SULT1B1: variants seen among roughly 807,000 people sequenced by gnomAD.
The protein encoded by SULT1B1 is sulfotransferase 1B1.
Under a neutral mutation model 34.6 loss-of-function variants are expected in SULT1B1, and 28 were observed. The observed-to-expected ratio is 0.81, with a 90% CI of 0.60 to 1.11. SULT1B1 has a LOEUF of 1.11. SULT1B1 is among the 50% of genes least tolerant of loss of function. The pLI is 0.00. For synonymous variants in SULT1B1, 147 were observed against 110.2 expected (o/e 1.33, Z -2.09); for missense variants, 374 against 352.2 (o/e 1.06, Z -0.50).
In SULT1B1 at chr4:69,739,520, C is replaced by T. The variant is rs563067493; in HGVS notation, c.376-5256G>A. Among the ~76,000 whole-genome samples the T allele has an allele frequency of 8.9e-4, 135 of 152,318 alleles. 1 individual carries two copies. Among genetic ancestry groups the T allele is most frequent in the African/African-American group, 3.1e-3 (127 of 41,570 alleles). On this transcript the variant is annotated intron_variant, in intron 4 of 7. Coordinates refer to ENST00000310613, the MANE Select transcript of SULT1B1 (RefSeq NM_014465.4). ...AGGTCTGGGACACAGGTCACCAAGTCCCTAGACTGCACATAGCAGGAGGGC... is the reference window on the plus strand; with the variant it reads ...AGGTCTGGGACACAGGTCACCAAGTTCCTAGACTGCACATAGCAGGAGGGC...
At chr4:69,733,884 GA>G (rs1718187011) in intron 5 of SULT1B1, among the ~76,000 whole-genome samples, 1 of 152,236 alleles carries the variant, frequency 6.6e-6, no homozygotes, top group South Asian at 2.1e-4. Flanking sequence ...ATTGTGAGGA[GA>G]GACTGATAAT....
intron 4 of SULT1B1, among the ~76,000 whole-genome samples, chr4:69,736,993 T>C (rs1042931501): frequency 2.0e-5 from 3 of 150,998 alleles, no homozygotes; most frequent in Non-Finnish European, 4.4e-5. Flanking sequence ...TAAATCAATA[T>C]ATCTAAGAAG....
intron 4 of SULT1B1, among the ~76,000 whole-genome samples, chr4:69,747,608 A>G (rs1256416633): frequency 6.6e-6 from 1 of 152,190 alleles, no homozygotes; most frequent in Non-Finnish European, 1.5e-5. Context: ...ATGGGCATCT[A>G]TGGCCATGTT....
chr4:69,734,822 G>A (rs569260357), intron 4 of SULT1B1, among the ~76,000 whole-genome samples: 3 of 140,818 alleles, frequency 2.1e-5, no homozygotes, highest in South Asian at 4.7e-4. Flanking sequence ...TTTCTACTTC[G>A]CTACTCTTTT....
At chr4:69,727,326 A>C in intron 7 of SULT1B1, 126 bp from the exon 8 acceptor site, 1 of 590,552 alleles carries the variant, frequency 1.7e-6, no homozygotes, top group Non-Finnish European at 2.7e-6. Context: ...GAATTCAAAC[A>C]GTCTTTAAAT....
chr4:69,739,787 C>T (rs1171082325), intron 4 of SULT1B1, among the ~76,000 whole-genome samples: 1 of 152,188 alleles, frequency 6.6e-6, no homozygotes, highest in African/African-American at 2.4e-5. Flanking sequence ...CTTTTATGCT[C>T]TGCTTTCTGT....
At chr4:69,758,233 A>C in intron 1 of SULT1B1, 1 of 870,272 alleles carries the variant, frequency 1.1e-6, no homozygotes. Flanking sequence ...TAAGCAGTGT[A>C]CTTGGGATGA....
Position 69,722,099 on chromosome 4 carries a change from G to A in SULT1B1, c.*4989C>T, listed in dbSNP as rs1269584103. ...TTAGGATAGTGACATTTGCATCATAGAATAAATATATAAGAGGCAACAACC... is the reference window on the plus strand; with the variant it reads ...TTAGGATAGTGACATTTGCATCATAAAATAAATATATAAGAGGCAACAACC... On this transcript the variant is annotated 3_prime_UTR_variant, in exon 8 of 8. Transcript: ENST00000310613. The A allele has an allele frequency of 6.6e-6, 1 of 151,994 alleles. No individual in the cohort carries two copies. Among genetic ancestry groups the A allele is most frequent in the Non-Finnish European group, 1.5e-5 (1 of 67,956 alleles). The allele number at this position is 151,994 out of a possible 1,614,324, so 9.4% of individuals were successfully genotyped here.
Position 69,723,396 on chromosome 4 carries a change from C to G in SULT1B1, c.*3692G>C, listed in dbSNP as rs1174361909. The G allele has an allele frequency of 5.3e-5, 8 of 152,014 alleles. No individual in the cohort carries two copies. Among genetic ancestry groups the G allele is most frequent in the African/African-American group, 1.9e-4 (8 of 41,374 alleles). 9.4% of individuals were successfully genotyped at this position (152,014 alleles called of 1,614,324 possible). A position where few individuals can be genotyped will look rare whatever the true frequency, so the allele number is the denominator to read the frequency against. On this transcript the variant is annotated 3_prime_UTR_variant, in exon 8 of 8. Coordinates refer to ENST00000310613, the MANE Select transcript of SULT1B1 (RefSeq NM_014465.4). The stretch of plus-strand genomic sequence containing the variant: ...AGGCAATAATTAATAGCTTACCAAC[C>G]AAAAGAAGTCCAGGACCAGATAGAT...
chr4:69,745,790 T>C (rs959471109), intron 4 of SULT1B1, among the ~76,000 whole-genome samples: 12 of 152,202 alleles, frequency 7.9e-5, no homozygotes, highest in Admixed American at 3.3e-4. Flanking sequence ...GATTATGTAA[T>C]TGATTTATAG....
chr4:69,745,159 G>T (rs552601607), intron 4 of SULT1B1, among the ~76,000 whole-genome samples: 1 of 152,170 alleles, frequency 6.6e-6, no homozygotes, highest in African/African-American at 2.4e-5. Flanking sequence ...TAAAGCATGT[G>T]GTCAATCATA....
chr4:69,738,110 G>A (rs149860297), intron 4 of SULT1B1, among the ~76,000 whole-genome samples: 2 of 151,970 alleles, frequency 1.3e-5, no homozygotes, highest in East Asian at 3.9e-4. Flanking sequence ...GAGAATATAT[G>A]GTATTTGATT....
At chr4:69,757,317 G>A (rs1029733585) in intron 1 of SULT1B1, among the ~76,000 whole-genome samples, 7 of 152,016 alleles carry the variant, frequency 4.6e-5, no homozygotes, top group African/African-American at 1.7e-4. Flanking sequence ...TATCTTAGAT[G>A]AAATCGCATT....
chr4:69,734,281 G>C lies in SULT1B1; in HGVS notation c.376-17C>G, dbSNP rs530526192. ...ATAAATCATCTGCAGTGGGGGGTGGGGGTAGGAGAAAAAAATAAGATAAAA... is the reference window on the plus strand; with the variant it reads ...ATAAATCATCTGCAGTGGGGGGTGGCGGTAGGAGAAAAAAATAAGATAAAA... On this transcript the variant is annotated splice_polypyrimidine_tract_variant and intron_variant, in intron 4 of 7. Coordinates refer to ENST00000310613, the MANE Select transcript of SULT1B1 (RefSeq NM_014465.4). 12 of 1,600,578 alleles carry C rather than the reference G, an allele frequency of 7.5e-6. No homozygotes were observed. In the African/African-American group the frequency reaches 1.4e-4, roughly 18 times the overall value.
chr4:69,741,873 T>C (rs924695637), intron 4 of SULT1B1, among the ~76,000 whole-genome samples: 3 of 152,206 alleles, frequency 2.0e-5, no homozygotes, highest in African/African-American at 7.2e-5. Flanking sequence ...TGCCTTTTAT[T>C]TCTTTCTTTT....
chr4:69,753,821 A>G (rs759639393), intron 3 of SULT1B1, among the ~76,000 whole-genome samples: 2 of 152,228 alleles, frequency 1.3e-5, no homozygotes, highest in Non-Finnish European at 2.9e-5. Context: ...TGTGCGAATC[A>G]CCAAGTTTTG....
chr4:69,744,721 T>C (rs1266685439), intron 4 of SULT1B1, among the ~76,000 whole-genome samples: 1 of 152,230 alleles, frequency 6.6e-6, no homozygotes, highest in Non-Finnish European at 1.5e-5. Context: ...CATCTCAGTT[T>C]CATTCAGTTC....
rs1717873205 is a variant in SULT1B1, at chr4:69,727,207, G to A, written c.779-7C>T. On this transcript the variant is annotated splice_polypyrimidine_tract_variant and splice_region_variant and intron_variant, in intron 7 of 7. Transcript: ENST00000310613. ...TTCCAGTCACCAGCCGTCCCTAAAG[G>A]TAAATAAAAAAACATAGGAAAGAAT... 1 of 1,596,106 alleles carries A rather than the reference G, an allele frequency of 6.3e-7. No homozygotes were observed. Among genetic ancestry groups the A allele is most frequent in the South Asian group, 1.1e-5 (1 of 88,360 alleles).
chr4:69,750,899 T>A (rs900676256), intron 3 of SULT1B1, among the ~76,000 whole-genome samples: 16 of 152,200 alleles, frequency 1.1e-4, no homozygotes. Flanking sequence ...GCCTATTTAA[T>A]GTCAGTAGAC....
Sources: gnomAD v4.1 joint callset for allele counts (sites outside exome capture counted in the v4.1 genomes callset) on GRCh38, gnomAD v4.1.1 for gene constraint, MANE v1.5 for transcripts, NCBI Gene and HGNC (gene_info 2026-07-23, HGNC 2026-07-21) for gene names.